Variants in KHDRBS2 observed in about 807,000 individuals in gnomAD.
KHDRBS2 encodes the protein KH domain-containing, RNA-binding, signal transduction-associated protein 2.
A neutral mutation model predicts 44.3 loss-of-function variants in KHDRBS2; 26 were observed. The ratio of observed to expected loss-of-function variants is 0.59; its 90% CI spans 0.43 to 0.81. The LOEUF is 0.81. KHDRBS2 is among the 40% of genes least tolerant of loss of function. The pLI is 0.00. For synonymous variants in KHDRBS2, 194 were observed against 151.1 expected, an observed-to-expected ratio of 1.28 and a Z score of -2.08; for missense variants, 476 against 433.1, an observed-to-expected ratio of 1.10 and a Z score of -0.88.
the KHDRBS2 span, among the ~76,000 whole-genome samples, chr6:61,585,397 T>C: frequency 4.6e-5 from 7 of 152,198 alleles, no homozygotes; most frequent in African/African-American, 7.2e-5. Context: ...TACTGACTAC[T>C]GTCTCAATCA....
intron 4 of KHDRBS2, among the ~76,000 whole-genome samples, chr6:61,964,352 C>G (rs1769431752): frequency 6.6e-6 from 1 of 151,998 alleles, no homozygotes; most frequent in African/African-American, 2.4e-5. Flanking sequence ...ACGGCACAAG[C>G]AATCGCATCA....
At chr6:61,833,638 G>A (rs1487287039) in intron 6 of KHDRBS2, among the ~76,000 whole-genome samples, 1 of 151,372 alleles carries the variant, frequency 6.6e-6, no homozygotes, top group African/African-American at 2.5e-5. Context: ...TTCATCATTC[G>A]AGGTAGTTAG....
intron 2 of KHDRBS2, among the ~76,000 whole-genome samples, chr6:62,117,535 T>A (rs1019547517): frequency 6.6e-6 from 1 of 150,966 alleles, no homozygotes; most frequent in Non-Finnish European, 1.5e-5. Flanking sequence ...TCTTCAAATA[T>A]TTTTTCCTAT....
At chr6:61,873,426 GTTAA>G (rs1798947067) in intron 6 of KHDRBS2, among the ~76,000 whole-genome samples, 1 of 151,788 alleles carries the variant, frequency 6.6e-6, no homozygotes, top group African/African-American at 2.4e-5. Context: ...TAATAAAAAT[GTTAA>G]TTAAAACAAT....
chr6:62,255,833 T>G (rs547706809), intron 1 of KHDRBS2, among the ~76,000 whole-genome samples: 2 of 151,950 alleles, frequency 1.3e-5, no homozygotes, highest in South Asian at 4.2e-4. Flanking sequence ...ACAAATTTTC[T>G]TACAAACTCA....
intron 1 of KHDRBS2, among the ~76,000 whole-genome samples, chr6:62,273,202 T>C (rs993600963): frequency 1.3e-5 from 2 of 152,282 alleles, no homozygotes; most frequent in Admixed American, 1.3e-4. Flanking sequence ...GTCAAAATGA[T>C]GAAATATTAT....
At chr6:61,735,644 A>G (rs956943739) in intron 6 of KHDRBS2, among the ~76,000 whole-genome samples, 6 of 152,186 alleles carry the variant, frequency 3.9e-5, no homozygotes, top group African/African-American at 1.4e-4. Context: ...TGTTTTGTAC[A>G]CCATTCCACA....
chr6:62,215,419 A>C (rs2150148179), intron 1 of KHDRBS2, among the ~76,000 whole-genome samples: 1 of 151,790 alleles, frequency 6.6e-6, no homozygotes. Context: ...CCTTCCTCCA[A>C]CTCAACCATA....
the KHDRBS2 span, among the ~76,000 whole-genome samples, chr6:61,601,220 C>T: frequency 1.3e-5 from 2 of 151,946 alleles, no homozygotes; most frequent in Admixed American, 6.6e-5. Context: ...GGGCAAGCAT[C>T]CCCCAACCCT....
At chr6:61,587,344 G>A in the KHDRBS2 span, among the ~76,000 whole-genome samples, 1 of 145,896 alleles carries the variant, frequency 6.9e-6, no homozygotes, top group Non-Finnish European at 1.5e-5. Flanking sequence ...GGGAGACTAT[G>A]AAGAGACAGC....
chr6:61,564,870 T>C, the KHDRBS2 span, among the ~76,000 whole-genome samples: 2 of 152,068 alleles, frequency 1.3e-5, no homozygotes, highest in Non-Finnish European at 2.9e-5. Flanking sequence ...GATGGAAATA[T>C]CATATTACCT....
the KHDRBS2 span, among the ~76,000 whole-genome samples, chr6:61,588,858 C>T: frequency 1.3e-5 from 2 of 152,072 alleles, no homozygotes; most frequent in African/African-American, 4.8e-5. Flanking sequence ...AAATGTGGCA[C>T]ATATAAACCA....
At chr6:61,707,875 C>A (rs181329039) in intron 7 of KHDRBS2, among the ~76,000 whole-genome samples, 2 of 151,608 alleles carry the variant, frequency 1.3e-5, no homozygotes, top group Non-Finnish European at 3.0e-5. Flanking sequence ...ATATTCTATA[C>A]GTAACTGCTA....
intron 3 of KHDRBS2, among the ~76,000 whole-genome samples, chr6:62,015,103 A>C (rs1333289181): frequency 6.6e-6 from 1 of 152,134 alleles, no homozygotes; most frequent in South Asian, 2.1e-4. Context: ...CACATTGAAA[A>C]GTAATTGTTA....
chr6:61,888,933 T>C (rs1486127695), intron 6 of KHDRBS2, among the ~76,000 whole-genome samples: 1 of 152,090 alleles, frequency 6.6e-6, no homozygotes, highest in Non-Finnish European at 1.5e-5. Flanking sequence ...CCTATATTCA[T>C]ATGACACTTC....
chr6:61,655,642 A>G, the KHDRBS2 span, among the ~76,000 whole-genome samples: 1 of 152,082 alleles, frequency 6.6e-6, no homozygotes, highest in African/African-American at 2.4e-5. Context: ...TGCACAACCA[A>G]AAAATTACTT....
chr6:62,154,698 T>A (rs1815983785), intron 2 of KHDRBS2, among the ~76,000 whole-genome samples: 1 of 152,134 alleles, frequency 6.6e-6, no homozygotes, highest in Non-Finnish European at 1.5e-5. Context: ...GATAAAACAA[T>A]GAGTATGTCA....
chr6:62,229,729 C>T lies in KHDRBS2; in HGVS notation c.92-52417G>A, dbSNP rs1260883053. On this transcript the variant is annotated intron_variant, in intron 1 of 8. Transcript: ENST00000281156. ...GGTAGCACGCTCACTCACAATCTCA[C>T]TTGGCTGGGGGGTAGGGGCTCCCCT... is the stretch of plus-strand genomic sequence containing the variant. Among the ~76,000 whole-genome samples, 13 of 152,266 alleles carry T rather than the reference C, an allele frequency of 8.5e-5. 2 individuals carry two copies. The highest frequency in any genetic ancestry group is 7.8e-4 in the Admixed American group (12 of 15,294).
chr6:62,249,768 G>A (rs972427622), intron 1 of KHDRBS2, among the ~76,000 whole-genome samples: 8 of 151,960 alleles, frequency 5.3e-5, no homozygotes, highest in African/African-American at 1.9e-4. Context: ...GAATTATTCA[G>A]AAAAGTAGCT....
Sources: allele counts gnomAD v4.1 joint callset (sites outside exome capture counted in the v4.1 genomes callset), GRCh38; gene constraint gnomAD v4.1.1; transcripts MANE v1.5; gene names NCBI Gene and HGNC (gene_info 2026-07-23, HGNC 2026-07-21).